Variants in CASD1 observed in about 807,000 individuals in gnomAD.
CASD1 encodes the protein CAS1 domain sialic acid O acetyltransferase 1, also known as N-acetylneuraminate (7)9-O-acetyltransferase.
Under a neutral mutation model 100.0 loss-of-function variants are expected in CASD1, and 41 were observed. That is an observed-to-expected ratio of 0.41 (90% confidence interval 0.32 to 0.53). The LOEUF (loss-of-function observed/expected upper bound fraction) is 0.53, where lower values mean the gene tolerates loss of function less well. Among genes scored for constraint, CASD1 ranks in the 20% least tolerant of loss-of-function variants. The probability of loss-of-function intolerance (pLI) is 0.25; values close to 1 mark genes in which losing one functional copy is unlikely to be tolerated. For missense variants in CASD1, 774 were observed against 948.7 expected (o/e 0.82, Z 2.42); for synonymous variants, 321 against 315.6 (o/e 1.02, Z -0.18).
intron 1 of CASD1, among the ~76,000 whole-genome samples, chr7:94,511,537 A>G (rs777364894): frequency 2.6e-5 from 4 of 152,126 alleles, no homozygotes; most frequent in Non-Finnish European, 5.9e-5. Context: ...CAGCCATACG[A>G]CCTTGCAAGG....
chr7:94,602,313 G>A, the CASD1 span, among the ~76,000 whole-genome samples: 4 of 152,110 alleles, frequency 2.6e-5, no homozygotes, highest in African/African-American at 9.7e-5. Flanking sequence ...TTTTTCTAAA[G>A]GCCATGAGAC....
the CASD1 span, chr7:94,618,581 C>T: frequency 1.7e-6 from 1 of 587,524 alleles, no homozygotes; most frequent in Non-Finnish European, 3.0e-6. Context: ...ATATAAAAAA[C>T]CACTAACACA....
chr7:94,550,779 T>A (rs566209403), intron 14 of CASD1, among the ~76,000 whole-genome samples: 38 of 152,228 alleles, frequency 2.5e-4, no homozygotes, highest in African/African-American at 8.7e-4. Context: ...GGGATTAACA[T>A]GATTCAACTT....
chr7:94,605,027 C>G, the CASD1 span, among the ~76,000 whole-genome samples: 1 of 151,388 alleles, frequency 6.6e-6, no homozygotes, highest in African/African-American at 2.4e-5. Flanking sequence ...TCCCACAACA[C>G]CTGACCACCA....
chr7:94,521,839 A>G (rs1794294165), intron 3 of CASD1, among the ~76,000 whole-genome samples: 1 of 152,204 alleles, frequency 6.6e-6, no homozygotes, highest in African/African-American at 2.4e-5. Context: ...TAATCCCAGC[A>G]CTTTGGGAGG....
intron 5 of CASD1, among the ~76,000 whole-genome samples, chr7:94,532,276 G>A (rs1794888807): frequency 6.6e-6 from 1 of 152,182 alleles, no homozygotes; most frequent in Admixed American, 6.5e-5. Flanking sequence ...GAGATTAACA[G>A]CAATAACTAA....
chr7:94,566,506 A>G, the CASD1 span, among the ~76,000 whole-genome samples: 7 of 152,150 alleles, frequency 4.6e-5, no homozygotes, highest in Non-Finnish European at 7.4e-5. Flanking sequence ...ACATCCTTAC[A>G]TAAAGAACTC....
At chr7:94,515,841 C>T (rs1206743850) in intron 1 of CASD1, among the ~76,000 whole-genome samples, 1 of 151,994 alleles carries the variant, frequency 6.6e-6, no homozygotes, top group African/African-American at 2.4e-5. Context: ...AGATGTTTTG[C>T]TAACTTTTAA....
At chr7:94,535,249 C>A in intron 7 of CASD1, 60 bp from the exon 8 acceptor site, 1 of 1,290,630 alleles carries the variant, frequency 7.7e-7, no homozygotes, top group Non-Finnish European at 1.1e-6. Context: ...CTTGCATGAT[C>A]ACAATTTTTA....
chr7:94,624,893 G>C, the CASD1 span: 1 of 151,786 alleles, frequency 6.6e-6, no homozygotes, highest in Non-Finnish European at 1.5e-5. Flanking sequence ...AAATAATGCA[G>C]ACTATTGAAG....
At chr7:94,518,158 G>T in intron 2 of CASD1, 45 bp from the exon 3 acceptor site, 1 of 1,464,516 alleles carries the variant, frequency 6.8e-7, no homozygotes, top group Non-Finnish European at 9.0e-7. Flanking sequence ...ATGCCAGGAT[G>T]GCTGATTTTA....
the CASD1 span, among the ~76,000 whole-genome samples, chr7:94,572,312 C>A: frequency 3.3e-5 from 5 of 152,120 alleles, no homozygotes; most frequent in African/African-American, 1.2e-4. Flanking sequence ...CCTGGAATAT[C>A]TTTTCTTCTG....
chr7:94,517,138 G>A (rs193009869), intron 1 of CASD1, among the ~76,000 whole-genome samples: 1 of 152,118 alleles, frequency 6.6e-6, no homozygotes, highest in African/African-American at 2.4e-5. Context: ...ACTCGACCTC[G>A]AGTGATCTGC....
rs568321678 is a variant in CASD1, at chr7:94,555,455, C to T, written c.2128-37C>T. Reference sequence around the variant, plus strand: ...GAAAACTGTAATTTATTCATGGACCCTCTATAAATATCTGACTTAAATATT... The same window carrying T: ...GAAAACTGTAATTTATTCATGGACCTTCTATAAATATCTGACTTAAATATT... On this transcript the variant is annotated intron_variant, in intron 17 of 17. Transcript: ENST00000297273. 1.9e-6 allele frequency: 3 copies of T among 1,587,860 alleles called. No homozygotes were observed. The South Asian group carries it at 3.4e-5, about 18-fold the overall frequency.
intron 11 of CASD1, 128 bp downstream of exon 11, chr7:94,544,658 G>A: frequency 1.1e-6 from 1 of 904,132 alleles, no homozygotes; most frequent in Non-Finnish European, 1.6e-6. Flanking sequence ...AAATAGCACT[G>A]TGAAGTTGTA....
chr7:94,552,225 T>C, intron 15 of CASD1, 125 bp from the exon 16 acceptor site: 1 of 674,902 alleles, frequency 1.5e-6, no homozygotes, highest in Non-Finnish European at 2.5e-6. Flanking sequence ...TTTTTACTGA[T>C]AGTTTTTACA....
the CASD1 span, among the ~76,000 whole-genome samples, chr7:94,573,095 T>A: frequency 1.3e-5 from 2 of 152,206 alleles, no homozygotes; most frequent in Non-Finnish European, 2.9e-5. Flanking sequence ...CCTGTTTTTG[T>A]ACCAGCACCA....
rs1325967605 is a variant in CASD1, at chr7:94,545,590, A to C, written c.1522A>C (p.Met508Leu). The C allele has an allele frequency of 6.2e-7, 1 of 1,609,896 alleles. No individual in the cohort carries two copies. The highest frequency in any genetic ancestry group is 1.7e-5 in the Admixed American group (1 of 59,964). The change falls in exon 12 of 18, where the codon ATG becomes CTG. Residue 508 changes from methionine (M) to leucine (L), a missense_variant. Met to Leu is a conservative substitution (Grantham distance 15). Transcript: ENST00000297273. ...CCTGGTAGTGGTGTTATGTATAGTAATGGATCGACCTTATCAATTCTATTA... is the reference window on the plus strand; with the variant it reads ...CCTGGTAGTGGTGTTATGTATAGTACTGGATCGACCTTATCAATTCTATTA... ...NFLVVVLCIV[M>L]DRPYQFYYFV...
At chr7:94,567,095 TCTTA>T in the CASD1 span, among the ~76,000 whole-genome samples, 1 of 152,116 alleles carries the variant, frequency 6.6e-6, no homozygotes, top group South Asian at 2.1e-4. Context: ...TGATGTTTAG[TCTTA>T]CTGCTTCCAT....
Sources: allele counts gnomAD v4.1 joint callset (sites outside exome capture counted in the v4.1 genomes callset), GRCh38; gene constraint gnomAD v4.1.1; transcripts MANE v1.5; gene names NCBI Gene and HGNC (gene_info 2026-07-23, HGNC 2026-07-21).